Variants in EFR3B observed in about 807,000 individuals in gnomAD.
EFR3B encodes the protein EFR3 homolog B.
EFR3B carries 64 observed loss-of-function variants against 104.7 expected under a neutral mutation model. The ratio of observed to expected loss-of-function variants is 0.61; its 90% CI spans 0.50 to 0.75. The LOEUF is 0.75. EFR3B is among the 30% of genes least tolerant of loss of function. EFR3B has a pLI of 0.00. For missense variants in EFR3B, 750 were observed against 1,078.5 expected, an observed-to-expected ratio of 0.70 and a Z score of 4.27; for synonymous variants, 385 against 417.9, an observed-to-expected ratio of 0.92 and a Z score of 0.96.
At chr2:25,110,291 C>T (rs967701124) in intron 4 of EFR3B, among the ~76,000 whole-genome samples, 2 of 152,200 alleles carry the variant, frequency 1.3e-5, no homozygotes, top group Non-Finnish European at 2.9e-5. Context: ...GCCCCCACCT[C>T]AGAAAACCAC....
Position 25,158,170 on chromosome 2 carries a change from C to T in EFR3B, c.*3830C>T, listed in dbSNP as rs1671225446. On this transcript the variant is annotated 3_prime_UTR_variant, in exon 23 of 23. Coordinates refer to ENST00000403714, the MANE Select transcript of EFR3B (RefSeq NM_014971.2). ...TGCCTTGCAGTTTCCATTCCATTGTCCCCAGGCCTCCTGACCTGGTGACAG... is the reference window on the plus strand; with the variant it reads ...TGCCTTGCAGTTTCCATTCCATTGTTCCCAGGCCTCCTGACCTGGTGACAG... 1 of 152,308 alleles carries T rather than the reference C, an allele frequency of 6.6e-6. No homozygotes were observed. The highest frequency in any genetic ancestry group is 2.4e-5 in the African/African-American group (1 of 41,474). The allele number at this position is 152,308 out of a possible 1,614,324, so 9.4% of individuals were successfully genotyped here.
intron 5 of EFR3B, among the ~76,000 whole-genome samples, chr2:25,127,608 G>GGGCT (rs1474233076): frequency 2.6e-5 from 4 of 152,140 alleles, no homozygotes; most frequent in African/African-American, 9.7e-5. Context: ...CTAGTAAAGA[G>GGGCT]GGCTCCCTCC....
At chr2:25,067,852 GA>G (rs1266235175) in intron 1 of EFR3B, among the ~76,000 whole-genome samples, 11 of 149,336 alleles carry the variant, frequency 7.4e-5, no homozygotes, top group Non-Finnish European at 8.9e-5. Flanking sequence ...TTTTCTTTTG[GA>G]AAAAAAAATA....
chr2:25,079,781 T>G (rs1668738435), intron 1 of EFR3B: 1 of 629,950 alleles, frequency 1.6e-6, no homozygotes, highest in Non-Finnish European at 3.0e-6. Flanking sequence ...TTTTTAAAAG[T>G]TTGTATACCT....
chr2:25,106,560 T>A (rs1573206912), intron 4 of EFR3B, among the ~76,000 whole-genome samples: 1 of 151,086 alleles, frequency 6.6e-6, no homozygotes, highest in East Asian at 2.0e-4. Context: ...CAGGTTCAAG[T>A]GATTCTCCTG....
intron 1 of EFR3B, chr2:25,080,849 G>A (rs1558593767): frequency 1.2e-6 from 1 of 855,914 alleles, no homozygotes. Flanking sequence ...TTCTTATCAT[G>A]GTTGCATCAT....
chr2:25,069,430 G>T (rs1668429433), intron 1 of EFR3B, among the ~76,000 whole-genome samples: 1 of 152,208 alleles, frequency 6.6e-6, no homozygotes, highest in African/African-American at 2.4e-5. Flanking sequence ...CCAAAGTGAG[G>T]CTTAGTCTGT....
At chr2:25,060,619 T>G (rs1668164145) in intron 1 of EFR3B, among the ~76,000 whole-genome samples, 3 of 151,718 alleles carry the variant, frequency 2.0e-5, no homozygotes, top group African/African-American at 7.3e-5. Context: ...GGGGGTGATA[T>G]AAAAAAACTA....
intron 1 of EFR3B, among the ~76,000 whole-genome samples, chr2:25,089,509 G>A (rs1669053853): frequency 6.6e-6 from 1 of 152,154 alleles, no homozygotes; most frequent in African/African-American, 2.4e-5. Flanking sequence ...ACTATGACTA[G>A]GGAGGCTGCT....
chr2:25,074,574 GAA>G (rs1200422142), intron 1 of EFR3B, among the ~76,000 whole-genome samples: 1 of 149,044 alleles, frequency 6.7e-6, no homozygotes, highest in African/African-American at 2.5e-5. Context: ...CAAAAAAAAA[GAA>G]AAAAAGAAAA....
chr2:25,133,538 G>A, intron 12 of EFR3B, 104 bp downstream of exon 12: 1 of 1,196,662 alleles, frequency 8.4e-7, no homozygotes, highest in East Asian at 2.6e-5. Flanking sequence ...GTGGCATACT[G>A]CACAAATACA....
chr2:25,043,323 T>C (rs1349388883), intron 1 of EFR3B, among the ~76,000 whole-genome samples: 1 of 151,910 alleles, frequency 6.6e-6, no homozygotes, highest in African/African-American at 2.4e-5. Context: ...ACTTGAGGGG[T>C]CAGTGTTTGG....
At chr2:25,096,472 A>G (rs554956782) in intron 3 of EFR3B, among the ~76,000 whole-genome samples, 98 of 152,222 alleles carry the variant, frequency 6.4e-4, no homozygotes, top group African/African-American at 2.2e-3. Context: ...TAATACTGCT[A>G]TGTATGATCT....
rs1670310975 is a variant in EFR3B, at chr2:25,131,005, C to A, written c.850-363C>A. Among the ~76,000 whole-genome samples the A allele has an allele frequency of 6.6e-6, 1 of 152,248 alleles. No individual in the cohort carries two copies. The highest frequency in any genetic ancestry group is 1.5e-5 in the Non-Finnish European group (1 of 68,042). On this transcript the variant is annotated intron_variant, in intron 8 of 22. Transcript: ENST00000403714. The surrounding 1 kb of genome is among the most constrained non-coding windows in gnomAD (Gnocchi z 7.6). Reference sequence around the variant, plus strand: ...CAATATCAGACCTATCTTGAATGGGCACCAGCCCAGGGGCCCCACTTTAGG... The same window carrying A: ...CAATATCAGACCTATCTTGAATGGGAACCAGCCCAGGGGCCCCACTTTAGG...
intron 4 of EFR3B, among the ~76,000 whole-genome samples, chr2:25,113,668 A>G (rs1369112258): frequency 1.1e-5 from 1 of 87,078 alleles, no homozygotes; most frequent in Non-Finnish European, 2.6e-5. Flanking sequence ...ACTCTGTCTC[A>G]AAAAAAAAAA....
At chr2:25,122,371 CAT>C (rs748196659) in intron 5 of EFR3B, among the ~76,000 whole-genome samples, 19 of 152,174 alleles carry the variant, frequency 1.2e-4, no homozygotes, top group Admixed American at 2.6e-4. Flanking sequence ...ACAGAACACA[CAT>C]GTGTACACAC....
In EFR3B at chr2:25,152,029, A is replaced by C; in HGVS notation, c.2298+9A>C. The C allele has an allele frequency of 6.4e-7, 1 of 1,551,396 alleles. No individual in the cohort carries two copies. The highest frequency in any genetic ancestry group is 8.7e-7 in the Non-Finnish European group (1 of 1,146,776). ...CACACTGCGGGGCCCGGGTAAGTGA[A>C]GCATGACATGGGCGAGTCCCTGGGA... On this transcript the variant is annotated intron_variant, in intron 21 of 22. Transcript: ENST00000403714.
rs1217748967 is a variant in EFR3B, at chr2:25,137,053, G to A, written c.1561-288G>A. Reference sequence around the variant, plus strand: ...TAAGCTGACCTCTCTGAGGAGTCAAGCCCAGAGTGATGAGCCAGTCCAGGG... The same window carrying A: ...TAAGCTGACCTCTCTGAGGAGTCAAACCCAGAGTGATGAGCCAGTCCAGGG... On this transcript the variant is annotated intron_variant, in intron 14 of 22. Coordinates refer to ENST00000403714, the MANE Select transcript of EFR3B (RefSeq NM_014971.2). This position sits in a 1 kb window ranked among gnomAD's most constrained non-coding sequence, Gnocchi z 4.7. Among the ~76,000 whole-genome samples, 1 of 152,162 alleles carries A rather than the reference G, an allele frequency of 6.6e-6. No homozygotes were observed. Among genetic ancestry groups the A allele is most frequent in the African/African-American group, 2.4e-5 (1 of 41,438 alleles).
At position 25,143,488 on chromosome 2, in the gene EFR3B, G is replaced by A. The variant is rs146940195; in HGVS notation, c.1923-247G>A. On this transcript the variant is annotated intron_variant, in intron 17 of 22. Coordinates refer to ENST00000403714, the MANE Select transcript of EFR3B (RefSeq NM_014971.2). ...AGCCTGGCCAACATGATGAAACTCC[G>A]TCTCTACTAAAAATACAAAAAATTA... 4.2e-3 allele frequency among the ~76,000 whole-genome samples: 645 copies of A among 151,984 alleles called. 8 individuals carry two copies. The highest frequency in any genetic ancestry group is 0.015 in the African/African-American group (626 of 41,444).
Sources: allele counts gnomAD v4.1 joint callset (sites outside exome capture counted in the v4.1 genomes callset), GRCh38; gene constraint gnomAD v4.1.1; non-coding constraint Gnocchi (gnomAD v3.1); transcripts MANE v1.5; gene names NCBI Gene and HGNC (gene_info 2026-07-23, HGNC 2026-07-21).